TSEN15: variants seen among roughly 807,000 people sequenced by gnomAD.
TSEN15 encodes the protein tRNA splicing endonuclease subunit 15, also known as tRNA-splicing endonuclease subunit Sen15.
In TSEN15, 10 loss-of-function variants were observed where a neutral mutation model predicts 20.5. That is an observed-to-expected ratio of 0.49 (90% CI 0.30 to 0.83). The LOEUF is 0.83. Among genes scored for constraint, TSEN15 ranks in the 40% least tolerant of loss-of-function variants. TSEN15 has a pLI of 0.06. For synonymous variants in TSEN15, 72 were observed against 80.1 expected (o/e 0.90, Z 0.54); for missense variants, 180 against 218.6 (o/e 0.82, Z 1.11).
chr1:184,072,128 T>G, intron 3 of TSEN15, 29 bp from the exon 4 acceptor site: 2 of 1,609,424 alleles, frequency 1.2e-6, no homozygotes, highest in Non-Finnish European at 1.7e-6. Flanking sequence ...TGACCGCAAC[T>G]CCTAAGTATA....
rs1174976477 is a variant in TSEN15 at position 184,072,300 on chromosome 1, T to C, written c.495+2T>C. The C allele has an allele frequency of 6.2e-7, 1 of 1,600,898 alleles. No individual in the cohort carries two copies. Among genetic ancestry groups the C allele is most frequent in the East Asian group, 2.3e-5 (1 of 43,940 alleles). On this transcript the variant is annotated splice_donor_variant, in intron 4 of 4. Coordinates refer to ENST00000645668, the MANE Select transcript of TSEN15 (RefSeq NM_052965.4). LOFTEE classifies it high-confidence loss of function. ...GGATTTATGCTGCCAGACCCTCAGG[T>C]CAGTTTTGAGGTAACTGACAGCAAG...
chr1:184,079,923 G>A (rs1281274232), intron 3 of TSEN15, among the ~76,000 whole-genome samples: 1 of 152,156 alleles, frequency 6.6e-6, no homozygotes, highest in African/African-American at 2.4e-5. Flanking sequence ...CTAAACACCT[G>A]TTGTTAGTGT....
chr1:184,059,977 T>G (rs962522998), intron 3 of TSEN15, among the ~76,000 whole-genome samples: 1 of 152,258 alleles, frequency 6.6e-6, no homozygotes, highest in Non-Finnish European at 1.5e-5. Context: ...GGAGAAGATT[T>G]ATAACATGTG....
At chr1:184,063,813 A>G (rs1288394133) in intron 3 of TSEN15, among the ~76,000 whole-genome samples, 1 of 152,126 alleles carries the variant, frequency 6.6e-6, no homozygotes, top group Non-Finnish European at 1.5e-5. Context: ...GGGAGAAGAA[A>G]AAACCTAATA....
At chr1:184,053,860 T>C (rs974126714) in intron 1 of TSEN15, among the ~76,000 whole-genome samples, 1 of 152,224 alleles carries the variant, frequency 6.6e-6, no homozygotes, top group Non-Finnish European at 1.5e-5. Context: ...CCCACTAACA[T>C]GTCCCATCAC....
intron 3 of TSEN15, among the ~76,000 whole-genome samples, chr1:184,061,190 T>C (rs1210976560): frequency 6.6e-6 from 1 of 152,192 alleles, no homozygotes; most frequent in Admixed American, 6.5e-5. Context: ...AAAAATACCC[T>C]GCCAACTTTA....
chr1:184,070,783 C>T, intron 3 of TSEN15: 1 of 578,328 alleles, frequency 1.7e-6, no homozygotes, highest in Non-Finnish European at 2.4e-6. Flanking sequence ...GAATATCTTT[C>T]TCTAAAGTAA....
chr1:184,092,148 G>T (rs1651371495), intron 3 of TSEN15, among the ~76,000 whole-genome samples: 1 of 152,186 alleles, frequency 6.6e-6, no homozygotes, highest in African/African-American at 2.4e-5. Context: ...ATTCAGCAAG[G>T]TATAACCAGA....
At chr1:184,063,922 T>A in intron 3 of TSEN15, among the ~76,000 whole-genome samples, 1 of 152,186 alleles carries the variant, frequency 6.6e-6, no homozygotes, top group Non-Finnish European at 1.5e-5. Context: ...TACTTTTTAT[T>A]TAAATATAAT....
chr1:184,055,135 C>T, intron 3 of TSEN15: 1 of 281,688 alleles, frequency 3.6e-6, no homozygotes, highest in Non-Finnish European at 6.6e-6. Context: ...ATGGTGCTGG[C>T]ATCTACTCGG....
intron 3 of TSEN15, chr1:184,058,064 TA>T: frequency 2.9e-6 from 1 of 348,792 alleles, no homozygotes; most frequent in Non-Finnish European, 5.6e-6. Flanking sequence ...TCCTAAAAAA[TA>T]AAATTAATGA....
At chr1:184,075,913 T>A (rs547317280), downstream of TSEN15, among the ~76,000 whole-genome samples, 4,045 of 149,218 alleles carry the variant, frequency 0.027, 111 homozygotes, top group African/African-American at 0.068. Context: ...TATATATATT[T>A]TTTTTTTTCT....
At chr1:184,055,088 T>G in intron 3 of TSEN15, 1 of 460,414 alleles carries the variant, frequency 2.2e-6, no homozygotes, top group Non-Finnish European at 3.7e-6. Flanking sequence ...AAGAAGAGGT[T>G]TAAGTGGCTC....
chr1:184,062,920 A>G (rs1279715782), intron 3 of TSEN15, among the ~76,000 whole-genome samples: 1 of 152,140 alleles, frequency 6.6e-6, no homozygotes, highest in Non-Finnish European at 1.5e-5. Flanking sequence ...GTCTTATACA[A>G]TTATAAAATC....
chr1:184,065,824 A>AT, intron 3 of TSEN15, among the ~76,000 whole-genome samples: 1 of 151,960 alleles, frequency 6.6e-6, no homozygotes, highest in Non-Finnish European at 1.5e-5. Flanking sequence ...GTCTGTTCAG[A>AT]TTTTTTGCCC....
chr1:184,061,408 T>C (rs896703731), intron 3 of TSEN15, among the ~76,000 whole-genome samples: 2 of 152,176 alleles, frequency 1.3e-5, no homozygotes, highest in Non-Finnish European at 2.9e-5. Context: ...CCAGAGGAGT[T>C]GGCAGTTTGC....
chr1:184,060,254 C>T (rs948710449), intron 3 of TSEN15, among the ~76,000 whole-genome samples: 1 of 152,228 alleles, frequency 6.6e-6, no homozygotes, highest in Non-Finnish European at 1.5e-5. Context: ...ACAGCTAGCA[C>T]TTAGAGAGTC....
At chr1:184,074,696 G>C (rs1381481487), downstream of TSEN15, among the ~76,000 whole-genome samples, 1 of 152,100 alleles carries the variant, frequency 6.6e-6, no homozygotes, top group East Asian at 1.9e-4. Flanking sequence ...GGCTGATTAG[G>C]AAACAACAAT....
intron 3 of TSEN15, among the ~76,000 whole-genome samples, chr1:184,059,424 A>G (rs1650363519): frequency 6.6e-6 from 1 of 152,274 alleles, no homozygotes; most frequent in African/African-American, 2.4e-5. Context: ...GGAAAATTAG[A>G]TGGGAAAGTT....
Sources: allele counts gnomAD v4.1 joint callset (sites outside exome capture counted in the v4.1 genomes callset), GRCh38; gene constraint gnomAD v4.1.1; transcripts MANE v1.5; gene names NCBI Gene and HGNC (gene_info 2026-07-23, HGNC 2026-07-21).